Variants in DLG2 observed in about 807,000 individuals in gnomAD.
DLG2 encodes the protein disks large homolog 2.
In DLG2, 45 loss-of-function variants were observed where a neutral mutation model predicts 132.5. The observed-to-expected ratio is 0.34, with a 90% CI of 0.27 to 0.44. The LOEUF (loss-of-function observed/expected upper bound fraction) is 0.44. Ranked by LOEUF, DLG2 falls within the 20% of genes least tolerant of loss-of-function variation. DLG2 has a pLI of 1.00. For synonymous variants in DLG2, 424 were observed against 419.6 expected, an observed-to-expected ratio of 1.01 and a Z score of -0.13; for missense variants, 1,045 against 1,196.9, an observed-to-expected ratio of 0.87 and a Z score of 1.87.
chr11:84,239,945 C>G (rs1240470611), intron 8 of DLG2, among the ~76,000 whole-genome samples: 1 of 152,174 alleles, frequency 6.6e-6, no homozygotes, highest in African/African-American at 2.4e-5. Context: ...TATTCATTAC[C>G]CTTTTCTCCC....
rs2084534450 is a variant in DLG2, at chr11:84,866,207, C to A, written c.357+245454G>T. 3.3e-5 allele frequency among the ~76,000 whole-genome samples: 5 copies of A among 152,124 alleles called. No individual in the cohort carries two copies. The South Asian group carries it at 1.0e-3, about 32-fold the overall frequency. On this transcript the variant is annotated intron_variant, in intron 6 of 27. Coordinates refer to ENST00000376104, the MANE Select transcript of DLG2 (RefSeq NM_001142699.3). ...AGCTCCCACTAGTGTAGTCTTCTGA[C>A]AACAGGAGCAGCATCAAAGCCAAGG...
chr11:85,044,539 T>G (rs1454598100), intron 6 of DLG2, among the ~76,000 whole-genome samples: 1 of 152,034 alleles, frequency 6.6e-6, no homozygotes, highest in African/African-American at 2.4e-5. Context: ...TGCCTTAACC[T>G]TCTCACGCAA....
intron 7 of DLG2, among the ~76,000 whole-genome samples, chr11:84,338,803 C>T (rs2098500609): frequency 6.6e-6 from 1 of 151,952 alleles, no homozygotes; most frequent in South Asian, 2.1e-4. Context: ...GAGACTTCAT[C>T]TCAAAATAAC....
intron 7 of DLG2, among the ~76,000 whole-genome samples, chr11:84,316,299 T>C (rs2098354562): frequency 6.6e-6 from 1 of 152,198 alleles, no homozygotes; most frequent in Non-Finnish European, 1.5e-5. Flanking sequence ...CTTTTCTTTG[T>C]AAAATTAATT....
chr11:83,898,997 A>G (rs2072627723), intron 15 of DLG2, among the ~76,000 whole-genome samples: 1 of 152,232 alleles, frequency 6.6e-6, no homozygotes, highest in South Asian at 2.1e-4. Context: ...AGGATTAAAC[A>G]GCACAGCTCC....
chr11:85,611,460 T>C (rs1017219340), intron 2 of DLG2, among the ~76,000 whole-genome samples: 4 of 152,216 alleles, frequency 2.6e-5, no homozygotes, highest in Admixed American at 6.5e-5. Context: ...GCCAAACTTA[T>C]AGTCCAAACT....
chr11:83,763,491 G>A (rs2094004138), intron 18 of DLG2, among the ~76,000 whole-genome samples: 1 of 152,210 alleles, frequency 6.6e-6, no homozygotes, highest in African/African-American at 2.4e-5. Context: ...CATTAGGAAT[G>A]AAAGGAGTGA....
intron 6 of DLG2, among the ~76,000 whole-genome samples, chr11:85,013,522 G>C (rs1339939831): frequency 6.6e-6 from 1 of 152,130 alleles, no homozygotes; most frequent in Non-Finnish European, 1.5e-5. Context: ...TCCTAAATCA[G>C]AGCATATGAT....
At chr11:83,556,238 A>C (rs576597863) in intron 19 of DLG2, among the ~76,000 whole-genome samples, 19 of 152,360 alleles carry the variant, frequency 1.2e-4, no homozygotes, top group African/African-American at 4.6e-4. Flanking sequence ...CCCAGGAGGA[A>C]GTCAATAGCA....
chr11:84,582,244 GT>G, intron 6 of DLG2, among the ~76,000 whole-genome samples: 1 of 151,284 alleles, frequency 6.6e-6, no homozygotes, highest in South Asian at 2.1e-4. Context: ...GATTCATTAA[GT>G]TTATCAGGGA....
chr11:85,011,066 C>T (rs141887333), intron 6 of DLG2, among the ~76,000 whole-genome samples: 1 of 152,290 alleles, frequency 6.6e-6, no homozygotes, highest in African/African-American at 2.4e-5. Context: ...AACTTTTTCA[C>T]TAATTGCCAA....
chr11:83,782,025 T>C (rs2094849624), intron 18 of DLG2, among the ~76,000 whole-genome samples: 1 of 152,226 alleles, frequency 6.6e-6, no homozygotes, highest in Admixed American at 6.5e-5. Flanking sequence ...ATCTTATCTT[T>C]GTGCTATATT....
At chr11:83,525,022 T>C (rs937915749) in intron 21 of DLG2, among the ~76,000 whole-genome samples, 4 of 152,198 alleles carry the variant, frequency 2.6e-5, no homozygotes, top group Non-Finnish European at 5.9e-5. Flanking sequence ...GTGGCAGAAA[T>C]GCCTGTGCAC....
chr11:83,687,307 C>T (rs1482460923), intron 18 of DLG2, among the ~76,000 whole-genome samples: 1 of 152,110 alleles, frequency 6.6e-6, no homozygotes, highest in African/African-American at 2.4e-5. Context: ...ATGAGGAAAT[C>T]GCAGCTGAGA....
intron 9 of DLG2, among the ~76,000 whole-genome samples, chr11:84,113,819 A>C (rs1431822898): frequency 6.6e-6 from 1 of 152,200 alleles, no homozygotes; most frequent in African/African-American, 2.4e-5. Flanking sequence ...TAAAAGTTCA[A>C]TGATAGAGTC....
intron 6 of DLG2, among the ~76,000 whole-genome samples, chr11:84,623,120 G>A (rs913495290): frequency 6.6e-6 from 1 of 152,038 alleles, no homozygotes; most frequent in African/African-American, 2.4e-5. Context: ...TGATTATGCT[G>A]CTCTTCTGTT....
At chr11:84,595,496 A>G (rs1406359516) in intron 6 of DLG2, among the ~76,000 whole-genome samples, 2 of 152,082 alleles carry the variant, frequency 1.3e-5, no homozygotes, top group East Asian at 3.9e-4. Context: ...AAAAAAAAAA[A>G]AAAGCTTATT....
chr11:84,922,967 T>C (rs925477891), intron 6 of DLG2: 14 of 1,361,682 alleles, frequency 1.0e-5, no homozygotes, highest in Admixed American at 7.1e-5. Context: ...TGTAATAATC[T>C]GCCTGCTCAG....
intron 6 of DLG2, among the ~76,000 whole-genome samples, chr11:84,910,486 A>C (rs2091953856): frequency 6.6e-6 from 1 of 152,196 alleles, no homozygotes; most frequent in African/African-American, 2.4e-5. Flanking sequence ...AAATTTAATA[A>C]TTCATTATTA....
Sources: gnomAD v4.1 joint callset for allele counts (sites outside exome capture counted in the v4.1 genomes callset) on GRCh38, gnomAD v4.1.1 for gene constraint, MANE v1.5 for transcripts, NCBI Gene and HGNC (gene_info 2026-07-23, HGNC 2026-07-21) for gene names.